The following GABRB1 variants were observed in gnomAD, a reference collection of about 807,000 sequenced individuals.
GABRB1 encodes the protein gamma-aminobutyric acid type A receptor subunit beta1.
GABRB1 carries 17 observed loss-of-function variants against 51.6 expected under a neutral mutation model. The observed-to-expected ratio is 0.33, with a 90% CI of 0.23 to 0.49. The LOEUF (loss-of-function observed/expected upper bound fraction) is 0.49, where lower values mean the gene tolerates loss of function less well. Ranked by LOEUF, GABRB1 falls within the 20% of genes least tolerant of loss-of-function variation. The probability of loss-of-function intolerance (pLI) is 0.99; values close to 1 mark genes in which losing one functional copy is unlikely to be tolerated. For synonymous variants in GABRB1, 247 were observed against 218.9 expected (o/e 1.13, Z -1.14); for missense variants, 410 against 600.6 (o/e 0.68, Z 3.32).
chr4:47,095,321 G>T (rs1319491065), intron 3 of GABRB1, among the ~76,000 whole-genome samples: 1 of 151,866 alleles, frequency 6.6e-6, no homozygotes, highest in Non-Finnish European at 1.5e-5. Context: ...GCAAAACCTG[G>T]CAAGAGCAAC....
At chr4:47,082,837 C>G (rs116307470) in intron 3 of GABRB1, among the ~76,000 whole-genome samples, 4 of 152,096 alleles carry the variant, frequency 2.6e-5, no homozygotes, top group African/African-American at 9.7e-5. Context: ...GAGAAACTGT[C>G]TTCCTTATCA....
intron 4 of GABRB1, among the ~76,000 whole-genome samples, chr4:47,199,389 T>A (rs1719811864): frequency 6.6e-6 from 1 of 152,140 alleles, no homozygotes; most frequent in Admixed American, 6.5e-5. Flanking sequence ...AATGTACGAC[T>A]CATGGATCCC....
At chr4:47,109,038 A>T (rs1028412422) in intron 3 of GABRB1, among the ~76,000 whole-genome samples, 1 of 152,100 alleles carries the variant, frequency 6.6e-6, no homozygotes, top group African/African-American at 2.4e-5. Context: ...ATGCAATAAC[A>T]TGTGAAAGTT....
At chr4:47,022,103 C>T (rs139945170) in intron 1 of GABRB1, among the ~76,000 whole-genome samples, 19 of 152,080 alleles carry the variant, frequency 1.2e-4, no homozygotes, top group African/African-American at 4.6e-4. Flanking sequence ...TTAACAATTG[C>T]TTTAAATTTC....
chr4:47,105,305 C>T (rs1182257617), intron 3 of GABRB1, among the ~76,000 whole-genome samples: 2 of 152,070 alleles, frequency 1.3e-5, no homozygotes, highest in African/African-American at 2.4e-5. Flanking sequence ...GAATCAATCT[C>T]TCTTTTATCT....
At chr4:47,104,569 A>T (rs549015625) in intron 3 of GABRB1, among the ~76,000 whole-genome samples, 1 of 151,312 alleles carries the variant, frequency 6.6e-6, no homozygotes, top group Non-Finnish European at 1.5e-5. Flanking sequence ...CATACATTAG[A>T]TCATTTTATG....
intron 3 of GABRB1, among the ~76,000 whole-genome samples, chr4:47,073,646 T>C (rs1727432902): frequency 6.6e-6 from 1 of 152,206 alleles, no homozygotes; most frequent in African/African-American, 2.4e-5. Flanking sequence ...AGAAGTTACT[T>C]TTGCCTTTCT....
intron 8 of GABRB1, among the ~76,000 whole-genome samples, chr4:47,419,575 G>A (rs1729034423): frequency 1.3e-5 from 2 of 152,206 alleles, no homozygotes; most frequent in Admixed American, 6.5e-5. Context: ...TGTTTGTACA[G>A]GAGACTGTAA....
upstream of GABRB1, among the ~76,000 whole-genome samples, chr4:47,030,026 A>G (rs1725237532): frequency 6.6e-6 from 1 of 151,474 alleles, no homozygotes; most frequent in East Asian, 1.9e-4. Flanking sequence ...TCATTCTTCT[A>G]TTTGAATTTT....
At chr4:47,339,823 G>GCACACACACACACACACGCGCACACA (rs1553876429) in intron 5 of GABRB1, among the ~76,000 whole-genome samples, 1 of 141,882 alleles carries the variant, frequency 7.0e-6, no homozygotes, top group African/African-American at 2.6e-5. Flanking sequence ...ATAAATAAAT[G>GCACACACACACACACACGCGCACACA]CACACACACA....
chr4:47,212,780 G>T (rs1054379709), intron 4 of GABRB1, among the ~76,000 whole-genome samples: 3 of 152,084 alleles, frequency 2.0e-5, no homozygotes, highest in Non-Finnish European at 4.4e-5. Context: ...TAAAATCTAA[G>T]AATAAGGAAG....
rs527993413 is a variant in GABRB1, at chr4:47,001,378, G to A, written c.-20+7452G>A. Among the ~76,000 whole-genome samples, 1,131 of 151,968 alleles carry A rather than the reference G, an allele frequency of 7.4e-3. 18 individuals are homozygous for A. The highest frequency in any genetic ancestry group is 0.025 in the African/African-American group (1,033 of 41,294). On this transcript the variant is annotated intron_variant, in intron 1 of 3. Coordinates refer to the GABRB1 transcript ENST00000513567. ...AGGATGGTCTGAATCTCCTGACCTC[G>A]TGATTCTCCCGCCTTGGCCTCCCAA... is the stretch of plus-strand genomic sequence containing the variant.
chr4:47,348,010 G>C (rs952284959), intron 5 of GABRB1, among the ~76,000 whole-genome samples: 1 of 152,106 alleles, frequency 6.6e-6, no homozygotes, highest in African/African-American at 2.4e-5. Flanking sequence ...TGGAGAAAAC[G>C]TTTTAAAAAG....
At chr4:47,087,278 A>AAT (rs374198225) in intron 3 of GABRB1, among the ~76,000 whole-genome samples, 2,260 of 77,846 alleles carry the variant, frequency 0.029, 45 homozygotes, top group African/African-American at 0.092. Flanking sequence ...CGGTAGCATT[A>AAT]ATTTTTTTTT....
intron 4 of GABRB1, among the ~76,000 whole-genome samples, chr4:47,274,723 G>T (rs1723016176): frequency 6.6e-6 from 1 of 152,128 alleles, no homozygotes; most frequent in Non-Finnish European, 1.5e-5. Context: ...CTCAAAAGCT[G>T]CACTCCACTG....
At chr4:47,328,085 G>A (rs1234874285) in intron 5 of GABRB1, among the ~76,000 whole-genome samples, 1 of 152,110 alleles carries the variant, frequency 6.6e-6, no homozygotes, top group African/African-American at 2.4e-5. Flanking sequence ...TTTTTCATGT[G>A]TCTTTTGGCT....
chr4:47,156,720 G>T (rs577611219), intron 3 of GABRB1, among the ~76,000 whole-genome samples: 1 of 151,996 alleles, frequency 6.6e-6, no homozygotes, highest in East Asian at 1.9e-4. Flanking sequence ...TGTAATCTCA[G>T]CACTTTGGGG....
chr4:47,098,654 G>A (rs1714576496), intron 3 of GABRB1, among the ~76,000 whole-genome samples: 1 of 152,098 alleles, frequency 6.6e-6, no homozygotes, highest in South Asian at 2.1e-4. Context: ...ATAGAGGTGT[G>A]TAAAGAGTAA....
intron 4 of GABRB1, among the ~76,000 whole-genome samples, chr4:47,209,061 C>A (rs1195650412): frequency 6.6e-6 from 1 of 151,994 alleles, no homozygotes; most frequent in Non-Finnish European, 1.5e-5. Flanking sequence ...TGAACTGTAG[C>A]TGAAATGTAT....
Sources: gnomAD v4.1 joint callset for allele counts (sites outside exome capture counted in the v4.1 genomes callset) on GRCh38, gnomAD v4.1.1 for gene constraint, MANE v1.5 for transcripts, NCBI Gene and HGNC (gene_info 2026-07-23, HGNC 2026-07-21) for gene names.